Variants in NR3C2 observed in about 807,000 individuals in gnomAD.
The protein encoded by NR3C2 is mineralocorticoid receptor.
NR3C2 carries 15 observed loss-of-function variants against 86.4 expected under a neutral mutation model. The ratio of observed to expected loss-of-function variants is 0.17; its 90% CI spans 0.12 to 0.27. The LOEUF (loss-of-function observed/expected upper bound fraction) is 0.27. NR3C2 is among the 10% of genes least tolerant of loss of function. The pLI, the probability that NR3C2 is intolerant of heterozygous loss-of-function variation, is 1.00. For missense variants in NR3C2, 960 were observed against 1,195.6 expected (o/e 0.80, Z 2.91); for synonymous variants, 458 against 450.5 (o/e 1.02, Z -0.21).
intron 2 of NR3C2, among the ~76,000 whole-genome samples, chr4:148,314,492 C>T (rs3843414): frequency 0.7 from 106,063 of 151,976 alleles, 37,549 homozygotes; most frequent in East Asian, 0.83. Context: ...AAAATTATAT[C>T]TTACATTTAT....
chr4:148,341,925 G>A (rs1744767460), intron 2 of NR3C2, among the ~76,000 whole-genome samples: 1 of 152,076 alleles, frequency 6.6e-6, no homozygotes, highest in Non-Finnish European at 1.5e-5. Context: ...CTGCCTATTT[G>A]CAACTTAGTC....
chr4:148,396,126 T>A (rs760965112), intron 2 of NR3C2, among the ~76,000 whole-genome samples: 3 of 152,232 alleles, frequency 2.0e-5, no homozygotes, highest in Non-Finnish European at 2.9e-5. Flanking sequence ...CTATTCCAAA[T>A]GTCTAAAACA....
intron 1 of NR3C2, among the ~76,000 whole-genome samples, chr4:148,438,528 T>C (rs1283202553): frequency 1.3e-5 from 2 of 152,206 alleles, no homozygotes; most frequent in Non-Finnish European, 1.5e-5. Context: ...TGCCATTCTA[T>C]ACACAAGTTT....
At chr4:148,331,181 G>A (rs1008784260) in intron 2 of NR3C2, among the ~76,000 whole-genome samples, 9 of 132,728 alleles carry the variant, frequency 6.8e-5, no homozygotes, top group Non-Finnish European at 1.2e-4. Context: ...TACTTGACAA[G>A]TGCAAAAGGA....
rs28698626 is a variant in NR3C2 at position 148,420,072 on chromosome 4, G to C, written c.1757+15032C>G. Among the ~76,000 whole-genome samples, 4 of 152,074 alleles carry C rather than the reference G, an allele frequency of 2.6e-5. No homozygotes were observed. The East Asian group carries it at 7.7e-4, about 29-fold the overall frequency. On this transcript the variant is annotated intron_variant, in intron 2 of 8. Transcript: ENST00000358102. Reference sequence around the variant, plus strand: ...CCTACATGCATACACGTCCACTCACGTGAGCACACAAGCAACACCCCTACT... The same window carrying C: ...CCTACATGCATACACGTCCACTCACCTGAGCACACAAGCAACACCCCTACT...
chr4:148,142,033 G>A (rs1733634805), intron 6 of NR3C2, among the ~76,000 whole-genome samples: 5 of 152,290 alleles, frequency 3.3e-5, no homozygotes, highest in African/African-American at 1.2e-4. Flanking sequence ...TGGGCTTGAG[G>A]GAGGGAGAAG....
At chr4:148,233,363 T>C (rs1195988987) in intron 3 of NR3C2, among the ~76,000 whole-genome samples, 1 of 55,214 alleles carries the variant, frequency 1.8e-5, no homozygotes, top group Admixed American at 2.9e-4. Context: ...ATAATTTCTT[T>C]AGGTTTTTTT....
chr4:148,117,647 C>A (rs1732332139), intron 7 of NR3C2, among the ~76,000 whole-genome samples: 1 of 152,154 alleles, frequency 6.6e-6, no homozygotes, highest in Non-Finnish European at 1.5e-5. Context: ...GTGCCAAACA[C>A]AGGTAAAGCA....
chr4:148,325,194 A>C (rs1053285261), intron 2 of NR3C2, among the ~76,000 whole-genome samples: 8 of 152,032 alleles, frequency 5.3e-5, no homozygotes, highest in Non-Finnish European at 8.8e-5. Context: ...AAAAATAATC[A>C]CACATTTTCA....
intron 5 of NR3C2, among the ~76,000 whole-genome samples, chr4:148,153,457 A>T (rs1444242591): frequency 1.3e-5 from 2 of 152,160 alleles, no homozygotes; most frequent in Non-Finnish European, 2.9e-5. Flanking sequence ...GATTACAGGC[A>T]TGGGCCACTG....
upstream of NR3C2, among the ~76,000 whole-genome samples, chr4:148,443,709 G>A (rs1040778888): frequency 2.9e-4 from 44 of 152,292 alleles, no homozygotes; most frequent in African/African-American, 1.1e-3. Flanking sequence ...CCCGGCCCTC[G>A]GCGACCCGCA....
intron 2 of NR3C2, among the ~76,000 whole-genome samples, chr4:148,383,959 A>AC (rs1747134489): frequency 6.6e-6 from 1 of 151,494 alleles, no homozygotes; most frequent in Admixed American, 6.6e-5. Context: ...GGGGAAAAAA[A>AC]AAAAAAAAAA....
chr4:148,294,565 T>C (rs1275360398), intron 2 of NR3C2, among the ~76,000 whole-genome samples: 1 of 152,060 alleles, frequency 6.6e-6, no homozygotes, highest in East Asian at 1.9e-4. Flanking sequence ...CTATTTTCTA[T>C]AGTAATTTAA....
At chr4:148,250,290 T>C (rs1251193910) in intron 3 of NR3C2, among the ~76,000 whole-genome samples, 1 of 152,178 alleles carries the variant, frequency 6.6e-6, no homozygotes, top group African/African-American at 2.4e-5. Flanking sequence ...CCAGGGGCCT[T>C]GAAAGACTGA....
intron 2 of NR3C2, among the ~76,000 whole-genome samples, chr4:148,301,288 G>A (rs1287362160): frequency 1.3e-5 from 2 of 152,140 alleles, no homozygotes; most frequent in African/African-American, 4.8e-5. Context: ...ATTTCTTAAA[G>A]GGAAGATAAA....
chr4:148,096,566 T>C (rs1731284549), intron 8 of NR3C2, among the ~76,000 whole-genome samples: 1 of 152,194 alleles, frequency 6.6e-6, no homozygotes. Flanking sequence ...ATAAGGACTG[T>C]TCTCTTCTCT....
intron 2 of NR3C2, among the ~76,000 whole-genome samples, chr4:148,417,305 G>A (rs1032513692): frequency 3.3e-5 from 5 of 152,170 alleles, no homozygotes. Flanking sequence ...GTATGCATGC[G>A]TGCACACACG....
rs1018649797 is a variant in NR3C2 at position 148,146,129 on chromosome 4, T to C, written c.2510+6340A>G. ...AGAGAAGGAAGAACAAAAGCAGCCA[T>C]TGAAGGAGGAGCTGACCAGGTTCAT... On this transcript the variant is annotated intron_variant, in intron 6 of 8. Transcript: ENST00000358102. 2.6e-5 allele frequency among the ~76,000 whole-genome samples: 4 copies of C among 152,002 alleles called. No individual in the cohort carries two copies. In the South Asian group the frequency reaches 6.2e-4, roughly 24 times the overall value.
At chr4:148,153,851 T>C (rs1734218502) in intron 5 of NR3C2, among the ~76,000 whole-genome samples, 1 of 152,182 alleles carries the variant, frequency 6.6e-6, no homozygotes, top group South Asian at 2.1e-4. Flanking sequence ...GGCCTTGCCT[T>C]ACTTGGTCTA....
Sources: allele counts gnomAD v4.1 joint callset (sites outside exome capture counted in the v4.1 genomes callset), GRCh38; gene constraint gnomAD v4.1.1; transcripts MANE v1.5; gene names NCBI Gene and HGNC (gene_info 2026-07-23, HGNC 2026-07-21).